Variants in THADA observed in about 807,000 individuals in gnomAD.
THADA encodes the protein tRNA (32-2'-O)-methyltransferase regulator THADA.
A neutral mutation model predicts 219.8 loss-of-function variants in THADA; 213 were observed. The observed-to-expected ratio is 0.97, with a 90% CI of 0.87 to 1.09. The LOEUF (loss-of-function observed/expected upper bound fraction) is 1.09. Ranked by LOEUF, THADA falls within the 50% of genes least tolerant of loss-of-function variation. The pLI is 0.00. For synonymous variants in THADA, 1,018 were observed against 828.9 expected (o/e 1.23, Z -3.92); for missense variants, 2,956 against 2,311.3 (o/e 1.28, Z -5.72).
Position 43,290,683 on chromosome 2 carries a change from T to C in THADA, c.5010+1013A>G, listed in dbSNP as rs74886705. On this transcript the variant is annotated intron_variant, in intron 34 of 37. Transcript: ENST00000405975. ...TACCTACACAGCAGTGCTAGGTTTA[T>C]TGTAAGGGCTCAGGGTCCACAATGT... Among the ~76,000 whole-genome samples the C allele has an allele frequency of 1.7e-3, 259 of 152,264 alleles. 3 individuals are homozygous for C. Among genetic ancestry groups the C allele is most frequent in the Middle Eastern group, 0.01 (3 of 294 alleles).
At chr2:43,293,358 G>A (rs1674975151) in intron 31 of THADA, 145 bp from the exon 32 acceptor site, 2 of 891,944 alleles carry the variant, frequency 2.2e-6, no homozygotes, top group African/African-American at 1.7e-5. Flanking sequence ...TAAGTGAGTG[G>A]CCCTCTAAGG....
In THADA at chr2:43,574,488, C is replaced by T. The variant is rs775651138; in HGVS notation, c.1577G>A (p.Trp526Ter). ...SSWIDQWHET[W>*]VSPLLFILCE... Reference sequence around the variant, plus strand: ...CAATATAAAAAGGAGAGGAGAAACCCAAGTCTCATGCCACTGGTCAATCCA... The same window carrying T: ...CAATATAAAAAGGAGAGGAGAAACCTAAGTCTCATGCCACTGGTCAATCCA... Residue 526 changes from tryptophan to a stop codon, truncating the protein, a stop_gained, in exon 11 of 38, where the codon TGG (tryptophan) becomes TAG (stop). Coordinates refer to ENST00000405975, the MANE Select transcript of THADA (RefSeq NM_022065.5). LOFTEE classifies it high-confidence loss of function. 1 of 1,613,808 alleles carries T rather than the reference C, an allele frequency of 6.2e-7. No homozygotes were observed. The highest frequency in any genetic ancestry group is 1.1e-5 in the South Asian group (1 of 91,066).
At chr2:43,510,452 G>A (rs1326230039) in intron 22 of THADA, among the ~76,000 whole-genome samples, 2 of 151,974 alleles carry the variant, frequency 1.3e-5, no homozygotes, top group Non-Finnish European at 2.9e-5. Context: ...AAGGATTGAG[G>A]TTACTTCCCA....
chr2:43,303,171 C>T (rs1676457783), intron 31 of THADA, among the ~76,000 whole-genome samples: 1 of 152,154 alleles, frequency 6.6e-6, no homozygotes, highest in African/African-American at 2.4e-5. Flanking sequence ...TCCTTCATGG[C>T]ACTGAGGAGT....
chr2:43,352,701 G>A (rs1203292766), intron 29 of THADA, among the ~76,000 whole-genome samples: 2 of 152,124 alleles, frequency 1.3e-5, no homozygotes, highest in African/African-American at 4.8e-5. Context: ...GAGAAAGAGA[G>A]AGAGAGGGTT....
chr2:43,521,177 GAGGGAAGAAGGA>G lies in THADA; in HGVS notation c.3374+6690_3374+6701del, dbSNP rs536126052. 2.3e-4 allele frequency among the ~76,000 whole-genome samples: 35 copies of G among 150,798 alleles called. No individual in the cohort carries two copies. In the East Asian group the frequency reaches 4.7e-3, roughly 20 times the overall value. ...AAGGAAGGGAAGGAAAGGAGGGAGG[GAGGGAAGAAGGA>G]AGGAAAGAGGGAAGGAAAGAGGGCA... On this transcript the variant is annotated intron_variant, in intron 22 of 37. Coordinates refer to ENST00000405975, the MANE Select transcript of THADA (RefSeq NM_022065.5).
At chr2:43,509,339 G>T (rs1394577096) in intron 22 of THADA, among the ~76,000 whole-genome samples, 1 of 152,156 alleles carries the variant, frequency 6.6e-6, no homozygotes, top group Non-Finnish European at 1.5e-5. Flanking sequence ...TTACATCAGT[G>T]AGCTTCTGCA....
chr2:43,572,197 G>T (rs1382017103), intron 12 of THADA, among the ~76,000 whole-genome samples: 23 of 152,014 alleles, frequency 1.5e-4, no homozygotes, highest in Non-Finnish European at 1.5e-5. Context: ...CTTCTAACTG[G>T]TTTCCTGGTT....
Position 43,255,434 on chromosome 2 carries a change from T to A in THADA, c.5297-22552A>T, listed in dbSNP as rs192736551. 6.8e-4 allele frequency among the ~76,000 whole-genome samples: 103 copies of A among 152,350 alleles called. 1 individual carries two copies. The highest frequency in any genetic ancestry group is 2.4e-3 in the African/African-American group (101 of 41,590). On this transcript the variant is annotated intron_variant, in intron 36 of 37. Coordinates refer to ENST00000405975, the MANE Select transcript of THADA (RefSeq NM_022065.5). ...TGGGTTACAAGAGGCTTTGATCCTG[T>A]TCCTGCCTTCTTTCCCTGACATGAA...
intron 26 of THADA, among the ~76,000 whole-genome samples, chr2:43,451,457 T>C (rs984319180): frequency 6.6e-6 from 1 of 152,358 alleles, no homozygotes; most frequent in African/African-American, 2.4e-5. Flanking sequence ...ACTGTTGTTT[T>C]ACTGAAACAT....
At chr2:43,349,265 G>C (rs953698406) in intron 29 of THADA, among the ~76,000 whole-genome samples, 21 of 152,116 alleles carry the variant, frequency 1.4e-4, no homozygotes, top group African/African-American at 4.6e-4. Context: ...GGGGAACTGA[G>C]AAGTCTGGAG....
intron 25 of THADA, among the ~76,000 whole-genome samples, chr2:43,494,077 T>A (rs1320967025): frequency 3.9e-5 from 6 of 152,252 alleles, no homozygotes; most frequent in African/African-American, 1.4e-4. Context: ...TCAGATGAGA[T>A]GCCACATCAC....
chr2:43,433,656 TTG>T (rs960871213), intron 26 of THADA, among the ~76,000 whole-genome samples: 3 of 151,522 alleles, frequency 2.0e-5, no homozygotes, highest in Non-Finnish European at 4.4e-5. Flanking sequence ...AAAACAGTAA[TTG>T]TGTGTGTGTG....
chr2:43,406,323 TTAGAAA>T (rs1675527854), intron 28 of THADA, among the ~76,000 whole-genome samples: 1 of 152,254 alleles, frequency 6.6e-6, no homozygotes, highest in Non-Finnish European at 1.5e-5. Flanking sequence ...TTGTTCAGAA[TTAGAAA>T]TATTCTTAAA....
At chr2:43,318,702 G>C (rs572246695) in intron 31 of THADA, among the ~76,000 whole-genome samples, 1 of 152,238 alleles carries the variant, frequency 6.6e-6, no homozygotes, top group African/African-American at 2.4e-5. Context: ...GTAATATATA[G>C]ATGCAAGTGA....
In THADA at chr2:43,571,787, A is replaced by C; in HGVS notation, c.1984T>G (p.Trp662Gly). The change falls in exon 13 of 38, where the codon TGG (tryptophan) becomes GGG (glycine). Residue 662 changes from tryptophan to glycine, a missense_variant. Transcript: ENST00000405975. The stretch of plus-strand genomic sequence containing the variant: ...TTGTATGTAATAAAGAACTGAATCC[A>C]CTGCATTTCTTCCATGGAAACAATT... The part of the protein sequence containing the change: ...TEIVSMEEMQ[W>G]IQFFITYNLN... The C allele has an allele frequency of 6.2e-7, 1 of 1,613,744 alleles. No homozygotes were observed. The highest frequency in any genetic ancestry group is 8.5e-7 in the Non-Finnish European group (1 of 1,179,650).
intron 31 of THADA, among the ~76,000 whole-genome samples, chr2:43,317,915 C>A (rs1376140876): frequency 2.0e-5 from 3 of 152,110 alleles, no homozygotes; most frequent in Non-Finnish European, 4.4e-5. Context: ...CTGTAATGTA[C>A]CTTTTGGGTT....
At chr2:43,390,337 T>C (rs1319631806) in intron 29 of THADA, among the ~76,000 whole-genome samples, 1 of 152,212 alleles carries the variant, frequency 6.6e-6, no homozygotes, top group African/African-American at 2.4e-5. Flanking sequence ...GCCCACTCTG[T>C]TGGCACTTTC....
At position 43,574,846 on chromosome 2, in the gene THADA, G is replaced by C. The variant is rs749745614; in HGVS notation, c.1219C>G (p.Leu407Val). The C allele has an allele frequency of 6.2e-7, 1 of 1,613,986 alleles. No individual in the cohort carries two copies. ...AACATGATTTTGGTTTGGTGTCTCA[G>C]AGCATCCAATGGATGTTCCCAATGG... ...YTHWEHPLDALRHQTKIMFKN... is the reference protein window; with the variant it reads ...YTHWEHPLDAVRHQTKIMFKN... The change falls in exon 11 of 38, where the codon CTG (leucine) becomes GTG (valine). Residue 407 changes from leucine to valine, a missense_variant. Transcript: ENST00000405975.
Sources: allele counts gnomAD v4.1 joint callset (sites outside exome capture counted in the v4.1 genomes callset), GRCh38; gene constraint gnomAD v4.1.1; transcripts MANE v1.5; gene names NCBI Gene and HGNC (gene_info 2026-07-23, HGNC 2026-07-21).